CACNA1C: variants seen among roughly 807,000 people sequenced by gnomAD.
CACNA1C encodes voltage-dependent L-type calcium channel subunit alpha-1C.
CACNA1C carries 30 observed loss-of-function variants against 229.0 expected under a neutral mutation model. That is an observed-to-expected ratio of 0.13 (90% CI 0.10 to 0.18). CACNA1C has a LOEUF of 0.18. CACNA1C is among the 10% of genes least tolerant of loss of function. The pLI is 1.00. For synonymous variants in CACNA1C, 1,114 were observed against 1,132.5 expected (o/e 0.98, Z 0.33); for missense variants, 1,658 against 2,845.0 (o/e 0.58, Z 9.49).
At chr12:2,018,996 C>T (rs984974418) in intron 1 of CACNA1C, among the ~76,000 whole-genome samples, 8 of 152,146 alleles carry the variant, frequency 5.3e-5, no homozygotes, top group Admixed American at 2.0e-4. Flanking sequence ...CAAAATGTGT[C>T]ACTCTCCCTT....
At chr12:2,331,595 A>T (rs895600162) in intron 3 of CACNA1C, among the ~76,000 whole-genome samples, 8 of 152,274 alleles carry the variant, frequency 5.3e-5, no homozygotes, top group African/African-American at 1.9e-4. Context: ...CCATGAGTCT[A>T]TACCGACATA....
chr12:2,379,239 T>C, intron 3 of CACNA1C, among the ~76,000 whole-genome samples: 1 of 152,210 alleles, frequency 6.6e-6, no homozygotes, highest in East Asian at 1.9e-4. Flanking sequence ...TAAATTATTG[T>C]GCATCTTGTG....
At chr12:2,440,507 C>CT (rs57706428) in intron 3 of CACNA1C, among the ~76,000 whole-genome samples, 27,427 of 152,216 alleles carry the variant, frequency 0.18, 2,727 homozygotes, top group Middle Eastern at 0.23. Context: ...AGGAAGGCTT[C>CT]TTCATGGCTG....
chr12:2,670,913 AAAAG>A (rs1292142345), intron 38 of CACNA1C, among the ~76,000 whole-genome samples: 4 of 152,200 alleles, frequency 2.6e-5, no homozygotes, highest in South Asian at 2.1e-4. Flanking sequence ...AAAAAAAAAA[AAAAG>A]AGCAAAGGCT....
intron 3 of CACNA1C, among the ~76,000 whole-genome samples, chr12:2,218,412 AG>A (rs1408036730): frequency 1.3e-5 from 2 of 152,310 alleles, no homozygotes; most frequent in South Asian, 2.1e-4. Flanking sequence ...GAGTTTGGAT[AG>A]GGTGTGCTGG....
At chr12:2,256,259 A>G (rs897982749) in intron 3 of CACNA1C, among the ~76,000 whole-genome samples, 17 of 152,312 alleles carry the variant, frequency 1.1e-4, no homozygotes, top group African/African-American at 4.1e-4. Flanking sequence ...TGCACATATT[A>G]AATTTTGAGA....
intron 3 of CACNA1C, among the ~76,000 whole-genome samples, chr12:2,218,156 C>T (rs192772258): frequency 2.0e-5 from 3 of 152,294 alleles, no homozygotes; most frequent in Non-Finnish European, 4.4e-5. Context: ...CTGGGCTCCT[C>T]CCACGTCCCT....
rs74053838 is a variant in CACNA1C, at chr12:2,584,721, C to G, written c.2339+104C>G. The G allele has an allele frequency of 0.015, 11,399 of 772,808 alleles. 953 individuals are homozygous for G. In the African/African-American group the frequency reaches 0.18, roughly 12 times the overall value. The allele number at this position is 772,808 out of a possible 1,614,324, so 47.9% of individuals were successfully genotyped here. A position where few individuals can be genotyped will look rare whatever the true frequency, so the allele number is the denominator to read the frequency against. ...GCTTGACTGCTAGCCTCTGTTGGCT[C>G]TCCCTCCTAGGAGGACTCTGGGTTT... On this transcript the variant is annotated intron_variant, in intron 16 of 46. Coordinates refer to ENST00000399655, the MANE Select transcript of CACNA1C (RefSeq NM_000719.7).
chr12:2,309,586 C>T (rs752849574), intron 3 of CACNA1C, among the ~76,000 whole-genome samples: 14 of 152,154 alleles, frequency 9.2e-5, no homozygotes, highest in Non-Finnish European at 1.8e-4. Context: ...TCATGTTGTA[C>T]ACCTTAAATA....
rs770661320 is a variant in CACNA1C, at chr12:2,004,235, C to T, written c.139+33034C>T. The T allele has an allele frequency of 1.9e-6, 3 of 1,608,264 alleles. No individual in the cohort carries two copies. In the Admixed American group the frequency reaches 5.0e-5, roughly 27 times the overall value. On this transcript the variant is annotated intron_variant, in intron 1 of 46. Transcript: ENST00000682462. ...AAGTCCTGAGTCTGACGCCCCCCGC[C>T]TCCACCCCAACCCTGGGCTGCACTG... is the stretch of plus-strand genomic sequence containing the variant.
intron 1 of CACNA1C, among the ~76,000 whole-genome samples, chr12:2,088,196 G>C (rs545017149): frequency 6.6e-6 from 1 of 152,312 alleles, no homozygotes; most frequent in East Asian, 1.9e-4. Context: ...TCCGTATGCT[G>C]GTTCTTTGGT....
At chr12:2,073,742 A>G (rs2062163842) in intron 1 of CACNA1C, among the ~76,000 whole-genome samples, 1 of 152,234 alleles carries the variant, frequency 6.6e-6, no homozygotes, top group Admixed American at 6.5e-5. Context: ...CAAGAATTTC[A>G]GGCATCAGCA....
intron 1 of CACNA1C, among the ~76,000 whole-genome samples, chr12:2,113,724 C>G (rs917267783): frequency 7.2e-5 from 11 of 152,208 alleles, no homozygotes; most frequent in African/African-American, 2.2e-4. Flanking sequence ...TACCACGTCT[C>G]AAGGTCATGC....
At chr12:1,993,669 G>A (rs1449293955) in intron 1 of CACNA1C, among the ~76,000 whole-genome samples, 1 of 121,076 alleles carries the variant, frequency 8.3e-6, no homozygotes, top group Non-Finnish European at 1.8e-5. Context: ...TACAGATGTT[G>A]TTTATTTCTT....
In CACNA1C at chr12:2,264,223, TG is replaced by T. The variant is rs1601340422; in HGVS notation, c.477+143797del. Among the ~76,000 whole-genome samples the T allele has an allele frequency of 2.6e-5, 4 of 152,182 alleles. No homozygotes were observed. The East Asian group carries it at 5.8e-4, about 22-fold the overall frequency. ...CCTGTATAGTGATGCCTCCTAAGCC[TG>T]GGGATGCCTCTGCAAGGGCTCCAGG... On this transcript the variant is annotated intron_variant, in intron 3 of 46. Coordinates refer to ENST00000399655, the MANE Select transcript of CACNA1C (RefSeq NM_000719.7).
intron 3 of CACNA1C, among the ~76,000 whole-genome samples, chr12:2,362,512 G>C (rs1480465508): frequency 6.6e-6 from 1 of 152,110 alleles, no homozygotes; most frequent in Non-Finnish European, 1.5e-5. Flanking sequence ...ACATTGCACT[G>C]AGCTTATTTC....
chr12:2,548,223 C>T (rs990949344), intron 9 of CACNA1C, among the ~76,000 whole-genome samples: 1 of 152,122 alleles, frequency 6.6e-6, no homozygotes, highest in Middle Eastern at 3.2e-3. Context: ...GCTGGTCTCA[C>T]CAGCCCCTCC....
At chr12:2,366,077 G>T (rs1030779759) in intron 3 of CACNA1C, among the ~76,000 whole-genome samples, 9 of 152,324 alleles carry the variant, frequency 5.9e-5, no homozygotes, top group Admixed American at 3.9e-4. Flanking sequence ...CAGGACCCCA[G>T]CATAGTATAA....
At chr12:2,532,315 C>T (rs1429824247) in intron 9 of CACNA1C, among the ~76,000 whole-genome samples, 1 of 152,152 alleles carries the variant, frequency 6.6e-6, no homozygotes, top group East Asian at 1.9e-4. Flanking sequence ...CATCAGGGAT[C>T]TCTCTGTCTC....
Sources: gnomAD v4.1 joint callset for allele counts (sites outside exome capture counted in the v4.1 genomes callset) on GRCh38, gnomAD v4.1.1 for gene constraint, MANE v1.5 for transcripts, NCBI Gene and HGNC (gene_info 2026-07-23, HGNC 2026-07-21) for gene names.